The following TNRC6A variants were observed in gnomAD, a reference collection of about 807,000 sequenced individuals.
TNRC6A encodes trinucleotide repeat containing adaptor 6A, also known as trinucleotide repeat-containing gene 6A protein.
In TNRC6A, 44 loss-of-function variants were observed where a neutral mutation model predicts 221.2. That is an observed-to-expected ratio of 0.20 (90% CI 0.16 to 0.26). The LOEUF is 0.26. Ranked by LOEUF, TNRC6A falls within the 10% of genes least tolerant of loss-of-function variation. The pLI is 1.00. For synonymous variants in TNRC6A, 847 were observed against 838.5 expected, an observed-to-expected ratio of 1.01 and a Z score of -0.18; for missense variants, 2,199 against 2,404.4, an observed-to-expected ratio of 0.91 and a Z score of 1.79.
At chr16:24,742,996 G>C (rs1302368543) in intron 2 of TNRC6A, among the ~76,000 whole-genome samples, 1 of 152,134 alleles carries the variant, frequency 6.6e-6, no homozygotes, top group Admixed American at 6.6e-5. Context: ...GGTTTGTTTG[G>C]ATTGGAAAGA....
intron 2 of TNRC6A, chr16:24,662,621 T>A (rs1022020775): frequency 6.5e-6 from 1 of 152,742 alleles, no homozygotes. Flanking sequence ...TTAGGGGAAA[T>A]GGTTGAGAAA....
chr16:24,812,125 C>T (rs934180848), intron 18 of TNRC6A, among the ~76,000 whole-genome samples: 1 of 136,084 alleles, frequency 7.3e-6, no homozygotes, highest in Admixed American at 8.5e-5. Context: ...TCTCTGCTCA[C>T]TGCAACCCTC....
chr16:24,667,005 A>G, intron 2 of TNRC6A, among the ~76,000 whole-genome samples: 1 of 151,970 alleles, frequency 6.6e-6, no homozygotes, highest in East Asian at 1.9e-4. Flanking sequence ...AGCCCCAGCT[A>G]CTCAGGAGGC....
intron 21 of TNRC6A, among the ~76,000 whole-genome samples, 192 bp from the exon 22 acceptor site, chr16:24,819,947 G>A (rs2058734659): frequency 6.6e-6 from 1 of 152,194 alleles, no homozygotes; most frequent in Non-Finnish European, 1.5e-5. Context: ...TCAATGGCTT[G>A]AGTGTTTGGA....
Position 24,657,340 on chromosome 16 carries a change from A to C in TNRC6A, n.402+16331A>C, listed in dbSNP as rs111856948. ...CTCAAAAAAAAAAAAAAAAAAAAAAAAACAAACAAACAAAGAAACAAACAA... is the reference window on the plus strand; with the variant it reads ...CTCAAAAAAAAAAAAAAAAAAAAAACAACAAACAAACAAAGAAACAAACAA... On this transcript the variant is annotated intron_variant and non_coding_transcript_variant, in intron 2 of 2. Coordinates refer to the TNRC6A transcript ENST00000566108. 6.2e-3 allele frequency among the ~76,000 whole-genome samples: 699 copies of C among 113,558 alleles called. 3 individuals carry two copies. The highest frequency in any genetic ancestry group is 0.027 in the Middle Eastern group (5 of 184). 74.5% of individuals were successfully genotyped at this position (113,558 alleles called of 152,430 possible).
intron 2 of TNRC6A, among the ~76,000 whole-genome samples, chr16:24,713,045 T>C (rs554975829): frequency 4.0e-5 from 6 of 151,752 alleles, no homozygotes; most frequent in Non-Finnish European, 8.8e-5. Context: ...TCCCAAAGAG[T>C]TGGGATTACA....
At chr16:24,776,912 C>G (rs1380683804) in intron 4 of TNRC6A, 21 bp from the exon 5 acceptor site, 2 of 1,596,214 alleles carry the variant, frequency 1.3e-6, no homozygotes, top group Non-Finnish European at 1.7e-6. Context: ...TTTTCCACCC[C>G]TTTTCTTTTG....
upstream of TNRC6A, among the ~76,000 whole-genome samples, chr16:24,725,538 C>G (rs893377529): frequency 2.0e-5 from 3 of 152,056 alleles, no homozygotes; most frequent in Admixed American, 6.6e-5. Context: ...TCCTCTCCCC[C>G]TCCCCAGCTC....
At chr16:24,775,161 G>A (rs2057693054) in intron 4 of TNRC6A, among the ~76,000 whole-genome samples, 1 of 152,102 alleles carries the variant, frequency 6.6e-6, no homozygotes, top group African/African-American at 2.4e-5. Context: ...TGAGGTACAC[G>A]AAGGAATATA....
intron 4 of TNRC6A, among the ~76,000 whole-genome samples, chr16:24,766,344 C>T (rs1473027056): frequency 1.3e-5 from 2 of 152,202 alleles, no homozygotes; most frequent in Non-Finnish European, 2.9e-5. Context: ...CATTGCCTGG[C>T]ATCTAGCTGA....
chr16:24,738,542 T>C (rs192829905), intron 2 of TNRC6A, among the ~76,000 whole-genome samples: 238 of 152,364 alleles, frequency 1.6e-3, no homozygotes, highest in Non-Finnish European at 2.5e-3. Flanking sequence ...GGAATCATAC[T>C]ATATGATACT....
rs2057120009 is a variant in TNRC6A at position 24,750,829 on chromosome 16, A to G, written c.141+16A>G. On this transcript the variant is annotated intron_variant, in intron 3 of 24. Coordinates refer to ENST00000395799, the MANE Select transcript of TNRC6A (RefSeq NM_014494.4). ...TCAAAAGAAGGTAGTATGTGTGTAA[A>G]CTATTTATATTAAGCAGTTTAAACA... is the stretch of plus-strand genomic sequence containing the variant. 1 of 1,506,626 alleles carries G rather than the reference A, an allele frequency of 6.6e-7. No homozygotes were observed. The highest frequency in any genetic ancestry group is 8.8e-7 in the Non-Finnish European group (1 of 1,131,818). The allele number at this position is 1,506,626 out of a possible 1,614,324, so 93.3% of individuals were successfully genotyped here. A position where few individuals can be genotyped will look rare whatever the true frequency, so the allele number is the denominator to read the frequency against.
intron 2 of TNRC6A, among the ~76,000 whole-genome samples, chr16:24,688,321 G>A (rs998406834): frequency 1.1e-4 from 16 of 152,084 alleles, no homozygotes; most frequent in African/African-American, 3.9e-4. Flanking sequence ...AAAGTAACAA[G>A]TGTGATAATT....
intron 2 of TNRC6A, among the ~76,000 whole-genome samples, chr16:24,673,335 A>G (rs575211634): frequency 1.8e-4 from 28 of 152,326 alleles, no homozygotes; most frequent in Middle Eastern, 3.4e-3. Context: ...TCAAATTTCA[A>G]AGTGAACTCA....
chr16:24,791,549 C>G lies in TNRC6A; in HGVS notation c.2907C>G (p.Gly969=). ...PPATGKPPGT[G]WLGGPIPAPA... ...CTACAGGCAAACCTCCTGGTACAGG[C>G]TGGCTGGGGGGACCTATACCAGCCC... The change falls in exon 6 of 25, where the codon GGC becomes GGG. Residue 969 remains glycine (G), a synonymous_variant. Transcript: ENST00000395799. 1 of 1,547,098 alleles carries G rather than the reference C, an allele frequency of 6.5e-7. No homozygotes were observed.
At position 24,786,303 on chromosome 16, in the gene TNRC6A, G is replaced by T. The variant is rs370294338; in HGVS notation, c.590-2929G>T. Among the ~76,000 whole-genome samples the T allele has an allele frequency of 1.4e-3, 148 of 107,822 alleles. 2 individuals are homozygous for T. The highest frequency in any genetic ancestry group is 6.8e-3 in the East Asian group (24 of 3,532). 70.7% of individuals were successfully genotyped at this position (107,822 alleles called of 152,430 possible). A position where few individuals can be genotyped will look rare whatever the true frequency, so the allele number is the denominator to read the frequency against. On this transcript the variant is annotated intron_variant, in intron 5 of 24. Transcript: ENST00000395799. ...TCAGAGTCCTTTTTTGTTTTTTTTT[G>T]TTGTTGTTGTTGTTTTGTTTTGTTT...
intron 5 of TNRC6A, among the ~76,000 whole-genome samples, chr16:24,788,883 C>T (rs747984364): frequency 6.6e-6 from 1 of 152,146 alleles, no homozygotes; most frequent in Non-Finnish European, 1.5e-5. Context: ...CTCCTGACCT[C>T]GTGATCCACC....
At chr16:24,810,781 A>T (rs2058526164) in intron 18 of TNRC6A, among the ~76,000 whole-genome samples, 1 of 152,208 alleles carries the variant, frequency 6.6e-6, no homozygotes, top group Admixed American at 6.5e-5. Context: ...CATGAAAATG[A>T]TGGGTGCCTA....
At chr16:24,732,938 C>T (rs1418352261) in intron 2 of TNRC6A, among the ~76,000 whole-genome samples, 2 of 152,144 alleles carry the variant, frequency 1.3e-5, no homozygotes, top group Admixed American at 6.5e-5. Context: ...ATCTTTTGGT[C>T]GAGTGCTGTG....
Sources: gnomAD v4.1 joint callset for allele counts (sites outside exome capture counted in the v4.1 genomes callset) on GRCh38, gnomAD v4.1.1 for gene constraint, MANE v1.5 for transcripts, NCBI Gene and HGNC (gene_info 2026-07-23, HGNC 2026-07-21) for gene names.